The following CFAP299 variants were observed in gnomAD, a reference collection of about 807,000 sequenced individuals.
The protein encoded by CFAP299 is cilia- and flagella-associated protein 299.
Under a neutral mutation model 27.0 loss-of-function variants are expected in CFAP299, and 21 were observed. The ratio of observed to expected loss-of-function variants is 0.78; its 90% CI spans 0.55 to 1.12. The LOEUF (loss-of-function observed/expected upper bound fraction) is 1.12. CFAP299 is among the 50% of genes most tolerant of loss of function. CFAP299 has a pLI of 0.00. For synonymous variants in CFAP299, 104 were observed against 98.1 expected (o/e 1.06, Z -0.36); for missense variants, 310 against 276.6 (o/e 1.12, Z -0.86).
intron 3 of CFAP299, among the ~76,000 whole-genome samples, chr4:80,601,252 A>G (rs570001602): frequency 3.2e-4 from 48 of 152,298 alleles, no homozygotes; most frequent in African/African-American, 1.1e-3. Flanking sequence ...ATCATGTGAC[A>G]TTATTTAAAG....
chr4:80,740,488 G>C (rs535331801), intron 3 of CFAP299, among the ~76,000 whole-genome samples: 237 of 152,222 alleles, frequency 1.6e-3, no homozygotes, highest in African/African-American at 5.4e-3. Flanking sequence ...CTCTCTGTGT[G>C]TGCTGATTCA....
In CFAP299 at chr4:80,524,151, C is replaced by G. The variant is rs182875809; in HGVS notation, c.243-58942C>G. Reference sequence around the variant, plus strand: ...GAAATTTTCTCTTCTACCTTTCTTTCAGCCTCATCTGTGTTTTCTTTGCAG... The same window carrying G: ...GAAATTTTCTCTTCTACCTTTCTTTGAGCCTCATCTGTGTTTTCTTTGCAG... On this transcript the variant is annotated intron_variant, in intron 2 of 5. Coordinates refer to ENST00000358105, the MANE Select transcript of CFAP299 (RefSeq NM_152770.3). Among the ~76,000 whole-genome samples the G allele has an allele frequency of 1.3e-4, 20 of 152,200 alleles. No homozygotes were observed. The East Asian group carries it at 3.9e-3, about 30-fold the overall frequency.
intron 3 of CFAP299, among the ~76,000 whole-genome samples, chr4:80,635,850 C>T (rs1017375341): frequency 6.6e-6 from 1 of 152,160 alleles, no homozygotes; most frequent in African/African-American, 2.4e-5. Context: ...ACATATAAAA[C>T]TTTACTACCT....
chr4:80,909,064 T>C (rs939991520), intron 4 of CFAP299, among the ~76,000 whole-genome samples: 1 of 152,294 alleles, frequency 6.6e-6, no homozygotes, highest in Middle Eastern at 3.4e-3. Context: ...ATACATAGTT[T>C]TGTAAATTCT....
chr4:80,863,617 A>G (rs35439269), intron 3 of CFAP299, among the ~76,000 whole-genome samples: 22,651 of 151,970 alleles, frequency 0.15, 2,034 homozygotes, highest in Middle Eastern at 0.28. Context: ...TTGCTTGTTC[A>G]TGTGGGGATT....
chr4:80,545,608 C>T (rs190190397), intron 2 of CFAP299, among the ~76,000 whole-genome samples: 5 of 152,000 alleles, frequency 3.3e-5, no homozygotes, highest in Non-Finnish European at 7.4e-5. Flanking sequence ...GTAATGAAAA[C>T]CTTATCAACC....
At chr4:80,919,506 A>G (rs1735933852) in intron 4 of CFAP299, among the ~76,000 whole-genome samples, 1 of 152,150 alleles carries the variant, frequency 6.6e-6, no homozygotes, top group African/African-American at 2.4e-5. Flanking sequence ...AACTCTTAGT[A>G]TGAGATCCTC....
At chr4:80,577,940 A>G (rs1735956065) in intron 2 of CFAP299, among the ~76,000 whole-genome samples, 1 of 152,208 alleles carries the variant, frequency 6.6e-6, no homozygotes, top group South Asian at 2.1e-4. Context: ...TGTGATAATG[A>G]TATACAGACA....
At chr4:80,355,156 C>T (rs1052587000) in intron 1 of CFAP299, among the ~76,000 whole-genome samples, 2 of 152,044 alleles carry the variant, frequency 1.3e-5, no homozygotes, top group African/African-American at 2.4e-5. Context: ...TATAAGTGTT[C>T]CTTTTTTCTC....
chr4:80,501,867 T>C (rs995888281), intron 2 of CFAP299, among the ~76,000 whole-genome samples: 1 of 151,970 alleles, frequency 6.6e-6, no homozygotes, highest in Non-Finnish European at 1.5e-5. Context: ...TTTTAATTAG[T>C]CTGATCATTT....
intron 2 of CFAP299, among the ~76,000 whole-genome samples, chr4:80,454,901 T>C (rs867748954): frequency 1.1e-4 from 16 of 152,068 alleles, no homozygotes; most frequent in African/African-American, 3.1e-4. Context: ...ACTGGTCCGG[T>C]TGGAGATGAA....
intron 2 of CFAP299, among the ~76,000 whole-genome samples, chr4:80,521,140 G>A (rs1245994066): frequency 2.0e-5 from 3 of 152,062 alleles, no homozygotes; most frequent in Non-Finnish European, 2.9e-5. Context: ...GTAAGTATTC[G>A]AAATTGGAAT....
intron 2 of CFAP299, chr4:80,386,346 G>T (rs778693546): frequency 7.1e-7 from 1 of 1,398,958 alleles, no homozygotes; most frequent in Non-Finnish European, 9.8e-7. Flanking sequence ...GGAAAGCTCC[G>T]CGTTCAGCTC....
chr4:80,954,586 T>C (rs1213117871), intron 5 of CFAP299, among the ~76,000 whole-genome samples: 1 of 152,006 alleles, frequency 6.6e-6, no homozygotes, highest in African/African-American at 2.4e-5. Context: ...AAAAACACAG[T>C]TAAATGAACA....
chr4:80,637,217 A>C (rs1216425455), intron 3 of CFAP299, among the ~76,000 whole-genome samples: 2 of 152,224 alleles, frequency 1.3e-5, no homozygotes, highest in South Asian at 4.1e-4. Flanking sequence ...TAAAAGAGGT[A>C]TGGTTAATAT....
At chr4:80,411,538 T>C (rs1313626388) in intron 2 of CFAP299, among the ~76,000 whole-genome samples, 1 of 152,118 alleles carries the variant, frequency 6.6e-6, no homozygotes, top group Non-Finnish European at 1.5e-5. Flanking sequence ...TTAGAAAAAT[T>C]GTACCTTATT....
chr4:80,903,498 G>A (rs1363214925), intron 4 of CFAP299, among the ~76,000 whole-genome samples: 2 of 151,594 alleles, frequency 1.3e-5, no homozygotes, highest in African/African-American at 4.8e-5. Context: ...TCCAGAAAGG[G>A]AAAAAAACTA....
At chr4:80,623,319 A>G (rs1416513771) in intron 3 of CFAP299, among the ~76,000 whole-genome samples, 1 of 152,208 alleles carries the variant, frequency 6.6e-6, no homozygotes, top group Non-Finnish European at 1.5e-5. Flanking sequence ...GATAAAATTA[A>G]TATTAGGGAA....
intron 3 of CFAP299, among the ~76,000 whole-genome samples, chr4:80,689,701 T>G (rs1041495428): frequency 3.4e-4 from 52 of 152,036 alleles, no homozygotes; most frequent in African/African-American, 1.2e-3. Flanking sequence ...AATATTAACT[T>G]TAAATGTAAA....
Sources: gnomAD v4.1 joint callset for allele counts (sites outside exome capture counted in the v4.1 genomes callset) on GRCh38, gnomAD v4.1.1 for gene constraint, MANE v1.5 for transcripts, NCBI Gene and HGNC (gene_info 2026-07-23, HGNC 2026-07-21) for gene names.